RHBDD3: variants seen among roughly 807,000 people sequenced by gnomAD.
The protein encoded by RHBDD3 is rhomboid domain-containing protein 3.
In RHBDD3, 34 loss-of-function variants were observed where a neutral mutation model predicts 32.3. That is an observed-to-expected ratio of 1.05 (90% CI 0.80 to 1.40). The LOEUF is 1.40. Among genes scored for constraint, RHBDD3 ranks in the 40% most tolerant of loss-of-function variants. The pLI is 0.00. For missense variants in RHBDD3, 482 were observed against 492.6 expected (o/e 0.98, Z 0.20); for synonymous variants, 249 against 239.1 (o/e 1.04, Z -0.38).
chr22:29,265,773 G>T, intron 2 of RHBDD3, 105 bp from the exon 3 acceptor site: 1 of 1,181,250 alleles, frequency 8.5e-7, no homozygotes, highest in Non-Finnish European at 1.1e-6. Flanking sequence ...GGTGGAAACA[G>T]GCTGGAGACG....
Position 29,267,777 on chromosome 22 carries a change from C to T in RHBDD3, c.-224G>A, listed in dbSNP as rs2058255026. ...GAGCGCGCCCGGCAACCCCGAAAGG[C>T]CGGTCGGGGACCCCGGCTGGGAGTC... On this transcript the variant is annotated 5_prime_UTR_variant, in exon 1 of 7. Coordinates refer to ENST00000216085, the MANE Select transcript of RHBDD3 (RefSeq NM_012265.3). The T allele has an allele frequency of 5.7e-6, 1 of 176,642 alleles. No homozygotes were observed. Among genetic ancestry groups the T allele is most frequent in the African/African-American group, 2.4e-5 (1 of 42,170 alleles). 10.9% of individuals were successfully genotyped at this position (176,642 alleles called of 1,614,324 possible).
chr22:29,262,255 C>T (rs1336669274), intron 4 of RHBDD3, among the ~76,000 whole-genome samples: 1 of 150,582 alleles, frequency 6.6e-6, no homozygotes, highest in African/African-American at 2.4e-5. Context: ...TCTCCTGCCT[C>T]AGCCTCCTGA....
chr22:29,268,056 A>C (rs542419717), upstream of RHBDD3: 4 of 568,276 alleles, frequency 7.0e-6, no homozygotes, highest in East Asian at 1.2e-4. Context: ...TCGTGCTGAG[A>C]GCCTCTCCGG....
chr22:29,264,624 T>C, intron 3 of RHBDD3: 1 of 590,006 alleles, frequency 1.7e-6, no homozygotes. Flanking sequence ...GTCAAATCAC[T>C]TAACCTCTCT....
chr22:29,262,768 G>T (rs540284516), intron 4 of RHBDD3, among the ~76,000 whole-genome samples: 1 of 151,170 alleles, frequency 6.6e-6, no homozygotes, highest in African/African-American at 2.4e-5. Context: ...GTGCAGCAGC[G>T]CTATCTTGGC....
rs1602096237 is a variant in RHBDD3, at chr22:29,264,186, T to C, written c.181A>G (p.Thr61Ala). 2 of 1,569,888 alleles carry C rather than the reference T, an allele frequency of 1.3e-6. No homozygotes were observed. The highest frequency in any genetic ancestry group is 1.7e-6 in the Non-Finnish European group (2 of 1,158,498). ...HRLLTHALGH[T>A]ALPGLLLSLL... ...CTCAGGAGCAGGCCTGGCAGGGCCG[T>C]GTGGCCCAGGGCATGGGTCAGCAGC... is the stretch of plus-strand genomic sequence containing the variant. The change falls in exon 4 of 7, where the codon ACG becomes GCG. Residue 61 changes from threonine to alanine, a missense_variant. Thr to Ala is a moderately conservative substitution (Grantham distance 58). Transcript: ENST00000216085.
chr22:29,265,560 G>A lies in RHBDD3; in HGVS notation c.67C>T (p.Leu23=), dbSNP rs143615836. The A allele has an allele frequency of 2.1e-4, 336 of 1,588,680 alleles. No individual in the cohort carries two copies. The highest frequency in any genetic ancestry group is 3.1e-4 in the Admixed American group (17 of 55,150). ...ACCAGCCACAGGGTGCTCATCAGCAGCATCAGGACTGAGGAGGCCAGAGGC... is the reference window on the plus strand; with the variant it reads ...ACCAGCCACAGGGTGCTCATCAGCAACATCAGGACTGAGGAGGCCAGAGGC... The part of the protein sequence containing the change: ...ALPLASSVLM[L]LMSTLWLVGA... Residue 23 remains leucine (L), a synonymous_variant, in exon 3 of 7, where the codon CTG becomes TTG. Transcript: ENST00000216085.
chr22:29,261,067 C>A, intron 4 of RHBDD3: 1 of 631,412 alleles, frequency 1.6e-6, no homozygotes, highest in Non-Finnish European at 2.7e-6. Context: ...GCTACTCAGC[C>A]AAACAGAGCC....
chr22:29,264,526 G>T, intron 3 of RHBDD3: 1 of 1,155,538 alleles, frequency 8.7e-7, no homozygotes, highest in Non-Finnish European at 1.1e-6. Flanking sequence ...CTCTGCTTCT[G>T]TATTTACTAA....
At chr22:29,265,998 C>A (rs943757793) in intron 2 of RHBDD3, among the ~76,000 whole-genome samples, 1 of 152,176 alleles carries the variant, frequency 6.6e-6, no homozygotes, top group Non-Finnish European at 1.5e-5. Flanking sequence ...CTGTCCTCCC[C>A]CTTCCCTCAG....
At chr22:29,267,129 C>A (rs2058219674) in intron 2 of RHBDD3, among the ~76,000 whole-genome samples, 1 of 152,230 alleles carries the variant, frequency 6.6e-6, no homozygotes, top group Non-Finnish European at 1.5e-5. Flanking sequence ...CTGGTCCTGC[C>A]GAGGGATTTG....
intron 4 of RHBDD3, chr22:29,262,029 A>C (rs1048295938): frequency 2.0e-5 from 3 of 152,104 alleles, no homozygotes; most frequent in Admixed American, 1.3e-4. Context: ...TAAATTGACT[A>C]TACAGTAAAT....
intron 4 of RHBDD3, among the ~76,000 whole-genome samples, chr22:29,262,455 GT>G (rs2058130998): frequency 6.6e-6 from 1 of 152,104 alleles, no homozygotes; most frequent in Non-Finnish European, 1.5e-5. Flanking sequence ...GTAGTTTTAA[GT>G]TTTGAAATTG....
At chr22:29,264,980 G>T (rs550106594) in intron 3 of RHBDD3, 1 of 152,344 alleles carries the variant, frequency 6.6e-6, no homozygotes, top group Admixed American at 6.5e-5. Context: ...GGGTTTCACC[G>T]TGTTAGCCAG....
Position 29,260,326 on chromosome 22 carries a change from C to T in RHBDD3, c.983G>A (p.Arg328Gln), listed in dbSNP as rs1196520391. Residue 328 changes from arginine to glutamine, a missense_variant and splice_region_variant, in exon 6 of 7, where the codon CGG (arginine) becomes CAG (glutamine). Transcript: ENST00000216085. ...WLSKSSVSSL[R>Q]LQQLERMGFP... ...CCCACCTCTGCCCACCCCACCTTAC[C>T]GCAGAGAGGAGACAGAGGACTTGGA... The T allele has an allele frequency of 5.6e-6, 9 of 1,607,144 alleles. No homozygotes were observed. The highest frequency in any genetic ancestry group is 2.2e-5 in the East Asian group (1 of 44,798).
intron 4 of RHBDD3, among the ~76,000 whole-genome samples, chr22:29,261,600 T>G (rs1353850765): frequency 6.6e-6 from 1 of 151,490 alleles, no homozygotes; most frequent in African/African-American, 2.4e-5. Context: ...TCTCTAAAAA[T>G]TAAAAAAAAA....
In RHBDD3 at chr22:29,264,064, C is replaced by G; in HGVS notation, c.303G>C (p.Gly101=). 1.9e-6 allele frequency: 3 copies of G among 1,578,270 alleles called. No individual in the cohort carries two copies. The highest frequency in any genetic ancestry group is 2.6e-6 in the Non-Finnish European group (3 of 1,163,036). Residue 101 remains glycine, a synonymous_variant, in exon 4 of 7, where the codon GGG becomes GGC. Coordinates refer to ENST00000216085, the MANE Select transcript of RHBDD3 (RefSeq NM_012265.3). ...HASALLALAS[G]LLAVLLAGLG... ...GGCCTGCCAGCAGCACTGCCAGCAG[C>G]CCAGAAGCCAGGGCGAGCAGGGCTG...
chr22:29,263,477 C>A (rs2058142932), intron 4 of RHBDD3, among the ~76,000 whole-genome samples: 2 of 152,230 alleles, frequency 1.3e-5, no homozygotes, highest in Admixed American at 1.3e-4. Flanking sequence ...TGCGCCCGGT[C>A]AGGCTTTTAA....
At position 29,261,406 on chromosome 22, in the gene RHBDD3, G is replaced by C. The variant is rs184695694; in HGVS notation, c.533-542C>G. ...GAGGCCAGGAGTTCAAGACCAGCCT[G>C]GGCAACATAGACCCCGTCTCTACAA... On this transcript the variant is annotated intron_variant, in intron 4 of 6. Coordinates refer to ENST00000216085, the MANE Select transcript of RHBDD3 (RefSeq NM_012265.3). The C allele has an allele frequency of 2.9e-3, 1,315 of 456,608 alleles. 4 individuals carry two copies. The highest frequency in any genetic ancestry group is 4.1e-3 in the Non-Finnish European group (936 of 226,402). 28.3% of individuals were successfully genotyped at this position (456,608 alleles called of 1,614,324 possible). A position where few individuals can be genotyped will look rare whatever the true frequency, so the allele number is the denominator to read the frequency against.
Sources: allele counts gnomAD v4.1 joint callset (sites outside exome capture counted in the v4.1 genomes callset), GRCh38; gene constraint gnomAD v4.1.1; transcripts MANE v1.5; gene names NCBI Gene and HGNC (gene_info 2026-07-23, HGNC 2026-07-21).